The following RREB1 variants were observed in gnomAD, a reference collection of about 807,000 sequenced individuals.
The protein encoded by RREB1 is ras responsive element binding protein 1.
RREB1 carries 27 observed loss-of-function variants against 117.8 expected under a neutral mutation model. That is an observed-to-expected ratio of 0.23 (90% CI 0.17 to 0.32). RREB1 has a LOEUF of 0.32. RREB1 is among the 10% of genes least tolerant of loss of function. The pLI, the probability that RREB1 is intolerant of heterozygous loss-of-function variation, is 1.00. For synonymous variants in RREB1, 1,298 were observed against 1,026.7 expected (o/e 1.26, Z -5.05); for missense variants, 2,577 against 2,378.2 (o/e 1.08, Z -1.74).
intron 1 of RREB1, among the ~76,000 whole-genome samples, chr6:7,117,835 C>T (rs1362589797): frequency 6.6e-6 from 1 of 152,000 alleles, no homozygotes; most frequent in African/African-American, 2.4e-5. Flanking sequence ...CCTCAGCCTC[C>T]CAAAGTGTTG....
At chr6:7,179,306 T>A (rs138553068) in intron 2 of RREB1, among the ~76,000 whole-genome samples, 2 of 152,324 alleles carry the variant, frequency 1.3e-5, no homozygotes, top group African/African-American at 4.8e-5. Flanking sequence ...CTTTTAAAAT[T>A]TGAGATGGGG....
intron 1 of RREB1, among the ~76,000 whole-genome samples, chr6:7,140,277 T>C (rs1762509709): frequency 6.6e-6 from 1 of 152,226 alleles, no homozygotes; most frequent in African/African-American, 2.4e-5. Context: ...TATTCAGGGC[T>C]GCCTTCTAGG....
chr6:7,236,361 T>TC (rs367651944), intron 10 of RREB1, among the ~76,000 whole-genome samples: 1 of 152,046 alleles, frequency 6.6e-6, no homozygotes, highest in African/African-American at 2.4e-5. Flanking sequence ...GCTCAGGCTT[T>TC]CCCCCCACAC....
At chr6:7,243,277 A>G (rs548863399) in intron 11 of RREB1, among the ~76,000 whole-genome samples, 17 of 152,302 alleles carry the variant, frequency 1.1e-4, no homozygotes, top group African/African-American at 4.1e-4. Flanking sequence ...ATTTTTAGGA[A>G]GCAATAGATC....
chr6:7,211,865 A>T (rs1766630616), intron 8 of RREB1, 156 bp downstream of exon 8: 1 of 769,322 alleles, frequency 1.3e-6, no homozygotes, highest in Non-Finnish European at 2.1e-6. Flanking sequence ...GTGGGGAAAA[A>T]GTTGGCTGAG....
rs1254878614 is a variant in RREB1 at position 7,246,903 on chromosome 6, A to G, written c.4453A>G (p.Thr1485Ala). ...GGACGAGAAGGGAGATGGCGCCAGC[A>G]CTGCAGAGGAGGGGCCCCAGCCCGC... ...PKDEKGDGAS[T>A]AEEGPQPAPE... The change falls in exon 12 of 13, where the codon ACT becomes GCT. Residue 1485 changes from threonine (T) to alanine (A), a missense_variant. Thr to Ala is a moderately conservative substitution (Grantham distance 58, BLOSUM62 0). Coordinates refer to ENST00000379938, the MANE Select transcript of RREB1 (RefSeq NM_001003699.4). The G allele has an allele frequency of 1.3e-6, 2 of 1,553,786 alleles. No homozygotes were observed. Among genetic ancestry groups the G allele is most frequent in the African/African-American group, 1.4e-5 (1 of 73,150 alleles).
At position 7,226,555 on chromosome 6, in the gene RREB1, A is replaced by G. The variant is rs750121377; in HGVS notation, c.796A>G (p.Met266Val). 3.7e-6 allele frequency: 6 copies of G among 1,613,976 alleles called. No homozygotes were observed. Among genetic ancestry groups the G allele is most frequent in the Admixed American group, 1.7e-5 (1 of 59,986 alleles). The change falls in exon 9 of 13, where the codon ATG becomes GTG. Residue 266 changes from methionine (M) to valine (V), a missense_variant. Transcript: ENST00000379938. ...LVHKQLPRDAMGRPFIQNNPS... is the reference protein window; with the variant it reads ...LVHKQLPRDAVGRPFIQNNPS... ...CCACAAACAACTTCCCAGGGATGCA[A>G]TGGGCAGACCTTTCATACAGAACAA...
At chr6:7,186,262 A>G (rs1765076822) in intron 4 of RREB1, among the ~76,000 whole-genome samples, 1 of 152,108 alleles carries the variant, frequency 6.6e-6, no homozygotes, top group South Asian at 2.1e-4. Context: ...CTACCTCTCC[A>G]TGAACTTTCA....
intron 6 of RREB1, among the ~76,000 whole-genome samples, chr6:7,190,424 G>A (rs7753350): frequency 0.03 from 4,622 of 152,290 alleles, 239 homozygotes; most frequent in African/African-American, 0.1. Flanking sequence ...TAAGCACTCA[G>A]TGTTTATTAT....
chr6:7,232,474 G>A (rs1018150806), intron 10 of RREB1, among the ~76,000 whole-genome samples: 1 of 152,156 alleles, frequency 6.6e-6, no homozygotes, highest in Non-Finnish European at 1.5e-5. Flanking sequence ...TTCCCCTGTT[G>A]ATTGTGAAAA....
At position 7,249,128 on chromosome 6, in the gene RREB1, T is replaced by C. The variant is rs1238771186; in HGVS notation, c.*160T>C. ...GACAAGCAGGAGCGTGGCTGCTCGC[T>C]CAGTGCCATAGCCTTACCGCAGCCT... On this transcript the variant is annotated 3_prime_UTR_variant, in exon 13 of 13. Transcript: ENST00000379938. 3 of 665,228 alleles carry C rather than the reference T, an allele frequency of 4.5e-6. No individual in the cohort carries two copies. Among genetic ancestry groups the C allele is most frequent in the African/African-American group, 1.8e-5 (1 of 54,680 alleles). 41.2% of individuals were successfully genotyped at this position (665,228 alleles called of 1,614,324 possible).
At chr6:7,240,007 C>T (rs1768593146) in intron 10 of RREB1, among the ~76,000 whole-genome samples, 1 of 152,216 alleles carries the variant, frequency 6.6e-6, no homozygotes, top group Non-Finnish European at 1.5e-5. Flanking sequence ...AGGGGTTCCC[C>T]ATTGGATTTC....
chr6:7,197,494 G>A (rs2113578953), intron 6 of RREB1, among the ~76,000 whole-genome samples: 1 of 152,276 alleles, frequency 6.6e-6, no homozygotes, highest in South Asian at 2.1e-4. Context: ...AGAACAGCCT[G>A]GCCAACATGG....
At chr6:7,130,427 A>G (rs1049541545) in intron 1 of RREB1, among the ~76,000 whole-genome samples, 6 of 151,754 alleles carry the variant, frequency 4.0e-5, no homozygotes, top group Admixed American at 3.3e-4. Flanking sequence ...TCATTTCACA[A>G]CCACCTGCAT....
At chr6:7,194,472 AC>A (rs2113569693) in intron 6 of RREB1, among the ~76,000 whole-genome samples, 1 of 152,206 alleles carries the variant, frequency 6.6e-6, no homozygotes, top group East Asian at 1.9e-4. Context: ...AATCGCTTGA[AC>A]CCAGGAGGTG....
At chr6:7,237,338 C>T (rs945742723) in intron 10 of RREB1, among the ~76,000 whole-genome samples, 14 of 152,022 alleles carry the variant, frequency 9.2e-5, no homozygotes, top group African/African-American at 2.9e-4. Flanking sequence ...CCACCAGCCT[C>T]GACCTCCCAA....
intron 1 of RREB1, among the ~76,000 whole-genome samples, chr6:7,116,482 C>T (rs999958098): frequency 1.5e-4 from 23 of 152,330 alleles, no homozygotes; most frequent in Middle Eastern, 3.4e-3. Flanking sequence ...TCTCTCACTT[C>T]AAGAATATTT....
intron 4 of RREB1, among the ~76,000 whole-genome samples, chr6:7,186,780 C>G (rs1265172837): frequency 6.6e-6 from 1 of 152,216 alleles, no homozygotes; most frequent in African/African-American, 2.4e-5. Flanking sequence ...TTGTCACCTT[C>G]TGTGGAAGTC....
intron 1 of RREB1, among the ~76,000 whole-genome samples, chr6:7,112,243 C>A (rs963389577): frequency 6.6e-6 from 1 of 152,144 alleles, no homozygotes; most frequent in Non-Finnish European, 1.5e-5. Context: ...GTTCAAGTAT[C>A]TTGAAGTTTT....
Sources: gnomAD v4.1 joint callset for allele counts (sites outside exome capture counted in the v4.1 genomes callset) on GRCh38, gnomAD v4.1.1 for gene constraint, MANE v1.5 for transcripts, NCBI Gene and HGNC (gene_info 2026-07-23, HGNC 2026-07-21) for gene names.